The following PACRG variants were observed in gnomAD, a reference collection of about 807,000 sequenced individuals.
PACRG encodes the protein parkin coregulated gene protein.
Under a neutral mutation model 29.7 loss-of-function variants are expected in PACRG, and 29 were observed. The observed-to-expected ratio is 0.98, with a 90% confidence interval of 0.73 to 1.33. PACRG has a LOEUF of 1.33. Ranked by LOEUF, PACRG falls within the 40% of genes most tolerant of loss-of-function variation. The probability of loss-of-function intolerance (pLI) is 0.00; values close to 1 mark genes in which losing one functional copy is unlikely to be tolerated. For missense variants in PACRG, 279 were observed against 316.2 expected (o/e 0.88, Z 0.89); for synonymous variants, 116 against 118.7 (o/e 0.98, Z 0.15).
chr6:163,134,906 C>T (rs138589496), intron 4 of PACRG, among the ~76,000 whole-genome samples: 404 of 152,280 alleles, frequency 2.7e-3, no homozygotes, highest in Middle Eastern at 0.01. Flanking sequence ...AAAAACATTT[C>T]GAATAACACC....
chr6:163,108,392 CTTTTTTTTTTTTT>C (rs528887997), intron 4 of PACRG, among the ~76,000 whole-genome samples: 2 of 90,510 alleles, frequency 2.2e-5, no homozygotes, highest in African/African-American at 8.7e-5. Context: ...TTCTCTTTCC[CTTTTTTTTTTTTT>C]TTTTTTTTTT....
At chr6:163,297,537 C>T (rs546189430) in intron 4 of PACRG, among the ~76,000 whole-genome samples, 15 of 152,226 alleles carry the variant, frequency 9.9e-5, no homozygotes, top group African/African-American at 3.6e-4. Context: ...GCTTGGGCTT[C>T]CTAGAGCTCA....
chr6:163,010,725 A>G (rs778992039), intron 2 of PACRG, among the ~76,000 whole-genome samples: 1 of 152,158 alleles, frequency 6.6e-6, no homozygotes, highest in Non-Finnish European at 1.5e-5. Flanking sequence ...CGGTCACTCA[A>G]CGAGAAACAC....
upstream of PACRG, chr6:162,727,765 C>G (rs1354870875): frequency 2.3e-6 from 3 of 1,279,822 alleles, no homozygotes; most frequent in South Asian, 1.3e-5. Context: ...GGGTTAAATC[C>G]TCCAGGCCTC....
intron 2 of PACRG, among the ~76,000 whole-genome samples, chr6:162,860,499 CTT>C (rs1169544374): frequency 6.6e-6 from 1 of 152,128 alleles, no homozygotes; most frequent in Non-Finnish European, 1.5e-5. Context: ...TTGAATTATT[CTT>C]GTTTCTATTT....
intron 4 of PACRG, among the ~76,000 whole-genome samples, chr6:163,207,722 A>T (rs1780964990): frequency 6.6e-6 from 1 of 152,210 alleles, no homozygotes; most frequent in Non-Finnish European, 1.5e-5. Flanking sequence ...TATTAGATTA[A>T]AATGCAAGCA....
chr6:163,210,323 T>C (rs1175321721), intron 4 of PACRG, among the ~76,000 whole-genome samples: 1 of 152,226 alleles, frequency 6.6e-6, no homozygotes, highest in Non-Finnish European at 1.5e-5. Context: ...CATTCTATAA[T>C]GCAGAATATC....
chr6:162,863,331 C>G (rs1298751569), intron 2 of PACRG, among the ~76,000 whole-genome samples: 1 of 152,206 alleles, frequency 6.6e-6, no homozygotes, highest in Non-Finnish European at 1.5e-5. Flanking sequence ...CCCTCCAGCG[C>G]AGTGATTGAT....
At chr6:162,783,212 G>T (rs1347846427) in intron 1 of PACRG, among the ~76,000 whole-genome samples, 1 of 151,822 alleles carries the variant, frequency 6.6e-6, no homozygotes, top group African/African-American at 2.4e-5. Flanking sequence ...ATAGATATTT[G>T]CATATTTTTA....
At chr6:162,931,345 T>C (rs1271692726) in intron 2 of PACRG, among the ~76,000 whole-genome samples, 2 of 151,526 alleles carry the variant, frequency 1.3e-5, no homozygotes, top group Non-Finnish European at 3.0e-5. Flanking sequence ...GTTTTATCAA[T>C]TTATTCTTTC....
chr6:162,982,757 G>C (rs183684145), intron 2 of PACRG, among the ~76,000 whole-genome samples: 3 of 152,114 alleles, frequency 2.0e-5, no homozygotes, highest in East Asian at 3.9e-4. Context: ...TCCATGTGCT[G>C]ATGAATAGAA....
intron 4 of PACRG, among the ~76,000 whole-genome samples, chr6:163,156,573 C>A (rs1335008756): frequency 2.6e-5 from 4 of 152,148 alleles, no homozygotes; most frequent in African/African-American, 9.7e-5. Context: ...TTCAGTCCTC[C>A]CCAAGACATT....
intron 4 of PACRG, among the ~76,000 whole-genome samples, chr6:163,267,114 G>A (rs546010465): frequency 6.6e-6 from 1 of 151,968 alleles, no homozygotes; most frequent in African/African-American, 2.4e-5. Context: ...AATGCTCCAC[G>A]TAAACTAAGC....
intron 1 of PACRG, among the ~76,000 whole-genome samples, chr6:162,813,179 A>G (rs1372125519): frequency 3.3e-5 from 5 of 151,936 alleles, no homozygotes; most frequent in African/African-American, 1.2e-4. Context: ...TTTAACAAAA[A>G]TATTACAAAT....
intron 2 of PACRG, among the ~76,000 whole-genome samples, chr6:162,876,553 G>A (rs555905033): frequency 2.0e-4 from 30 of 152,176 alleles, no homozygotes; most frequent in Admixed American, 1.4e-3. Flanking sequence ...TTTTTGTTGG[G>A]GTTGTTTGTT....
chr6:162,731,519 G>C (rs1779766889), intron 1 of PACRG, among the ~76,000 whole-genome samples: 1 of 151,978 alleles, frequency 6.6e-6, no homozygotes, highest in Non-Finnish European at 1.5e-5. Context: ...GAAATGTGTA[G>C]GTTACATACA....
At chr6:163,012,712 A>G (rs1805727590) in intron 2 of PACRG, among the ~76,000 whole-genome samples, 1 of 152,242 alleles carries the variant, frequency 6.6e-6, no homozygotes, top group Admixed American at 6.5e-5. Flanking sequence ...GAAAGGACTG[A>G]AACAGTATGG....
intron 4 of PACRG, among the ~76,000 whole-genome samples, chr6:163,122,574 A>T (rs1000675151): frequency 6.6e-6 from 1 of 152,156 alleles, no homozygotes; most frequent in African/African-American, 2.4e-5. Context: ...CTCTCTTGCC[A>T]CATGATCCCT....
intron 2 of PACRG, among the ~76,000 whole-genome samples, chr6:163,006,222 A>T (rs376191266): frequency 7.4e-6 from 1 of 135,724 alleles, no homozygotes; most frequent in African/African-American, 2.9e-5. Context: ...ATATATATAT[A>T]TGTATATATA....
Sources: allele counts gnomAD v4.1 joint callset (sites outside exome capture counted in the v4.1 genomes callset), GRCh38; gene constraint gnomAD v4.1.1; transcripts MANE v1.5; gene names NCBI Gene and HGNC (gene_info 2026-07-23, HGNC 2026-07-21).